Variants in KIAA0232 observed in about 807,000 individuals in gnomAD.
KIAA0232 encodes KIAA0232, also known as uncharacterized protein KIAA0232.
In KIAA0232, 27 loss-of-function variants were observed where a neutral mutation model predicts 122.0. That is an observed-to-expected ratio of 0.22 (90% confidence interval 0.16 to 0.31). KIAA0232 has a LOEUF of 0.31. Among genes scored for constraint, KIAA0232 ranks in the 10% least tolerant of loss-of-function variants. The pLI, the probability that KIAA0232 is intolerant of heterozygous loss-of-function variation, is 1.00. For missense variants in KIAA0232, 1,551 were observed against 1,634.2 expected (o/e 0.95, Z 0.88); for synonymous variants, 613 against 587.6 (o/e 1.04, Z -0.63).
At chr4:6,807,313 T>G (rs1352510907) in intron 2 of KIAA0232, among the ~76,000 whole-genome samples, 1 of 152,254 alleles carries the variant, frequency 6.6e-6, no homozygotes, top group Non-Finnish European at 1.5e-5. Context: ...TAATCTTATC[T>G]ATAAGAACAA....
At chr4:6,827,997 T>TA in intron 3 of KIAA0232, among the ~76,000 whole-genome samples, 1 of 152,336 alleles carries the variant, frequency 6.6e-6, no homozygotes. Context: ...TTTCAAAGCG[T>TA]AGGTCACCTC....
intron 4 of KIAA0232, among the ~76,000 whole-genome samples, chr4:6,854,869 A>G (rs913702399): frequency 2.0e-5 from 3 of 152,182 alleles, no homozygotes; most frequent in African/African-American, 7.2e-5. Flanking sequence ...CCTTATGGAT[A>G]TGCTATGCTA....
intron 9 of KIAA0232, among the ~76,000 whole-genome samples, 161 bp from the exon 10 acceptor site, chr4:6,880,626 G>A (rs1309310358): frequency 1.3e-5 from 2 of 152,270 alleles, no homozygotes; most frequent in Non-Finnish European, 2.9e-5. Context: ...GATCAGAGAA[G>A]AGAGGCGGTT....
intron 9 of KIAA0232, 69 bp downstream of exon 9, chr4:6,876,826 CA>C: frequency 8.8e-7 from 1 of 1,139,860 alleles, no homozygotes. Flanking sequence ...TCACTGTAGT[CA>C]AAAACCTGGG....
Position 6,861,183 on chromosome 4 carries a change from G to C in KIAA0232, c.801G>C (p.Lys267Asn). The change falls in exon 7 of 10, where the codon AAG (lysine) becomes AAC (asparagine). Residue 267 changes from lysine to asparagine, a missense_variant. By Grantham distance (94) the Lys-to-Asn change is moderately conservative. Coordinates refer to ENST00000307659, the MANE Select transcript of KIAA0232 (RefSeq NM_014743.3). ...NKFSNGTIEE[K>N]PALYKKQIRH... ...TTAGTAATGGCACAATTGAAGAAAAGCCTGCTTTGTACAAAAAGCAAATCC... is the reference window on the plus strand; with the variant it reads ...TTAGTAATGGCACAATTGAAGAAAACCCTGCTTTGTACAAAAAGCAAATCC... 1 of 1,614,142 alleles carries C rather than the reference G, an allele frequency of 6.2e-7. No individual in the cohort carries two copies. Among genetic ancestry groups the C allele is most frequent in the Non-Finnish European group, 8.5e-7 (1 of 1,180,044 alleles).
chr4:6,833,080 G>A (rs1049186573), intron 3 of KIAA0232, among the ~76,000 whole-genome samples: 1 of 152,088 alleles, frequency 6.6e-6, no homozygotes, highest in South Asian at 2.1e-4. Flanking sequence ...AGCGTGTCCC[G>A]TTCAGCATTA....
chr4:6,871,328 C>A (rs1033864183), intron 7 of KIAA0232, among the ~76,000 whole-genome samples: 1 of 152,020 alleles, frequency 6.6e-6, no homozygotes, highest in Non-Finnish European at 1.5e-5. Context: ...CAGCTACTTG[C>A]AAGGCTGAGG....
At chr4:6,801,314 G>A (rs770143706) in intron 1 of KIAA0232, among the ~76,000 whole-genome samples, 3 of 152,172 alleles carry the variant, frequency 2.0e-5, no homozygotes, top group Admixed American at 6.5e-5. Context: ...ATTGGACAAT[G>A]CAGTTCTAGA....
At chr4:6,853,680 G>C (rs190792320) in intron 4 of KIAA0232, among the ~76,000 whole-genome samples, 1 of 152,296 alleles carries the variant, frequency 6.6e-6, no homozygotes, top group East Asian at 1.9e-4. Flanking sequence ...GATTAATATG[G>C]CACAGAAACC....
At chr4:6,787,641 C>T (rs147959015) in intron 1 of KIAA0232, among the ~76,000 whole-genome samples, 160 of 152,302 alleles carry the variant, frequency 1.1e-3, no homozygotes, top group African/African-American at 3.4e-3. Context: ...TTTCTTTACT[C>T]TTTCATGTTT....
chr4:6,787,638 A>T (rs1300049025), intron 1 of KIAA0232, among the ~76,000 whole-genome samples: 4 of 151,746 alleles, frequency 2.6e-5, no homozygotes, highest in Admixed American at 6.6e-5. Flanking sequence ...CTTTTTCTTT[A>T]CTCTTTCATG....
In KIAA0232 at chr4:6,824,128, T is replaced by C. The variant is rs1357340023; in HGVS notation, c.-269-57T>C. On this transcript the variant is annotated intron_variant, in intron 2 of 9. Coordinates refer to ENST00000307659, the MANE Select transcript of KIAA0232 (RefSeq NM_014743.3). ...TATTTGATTTTTTTTCCTCAAAAGG[T>C]CAATAATTTATTATTTATATATAAT... 3 of 423,864 alleles carry C rather than the reference T, an allele frequency of 7.1e-6. No homozygotes were observed. In the Admixed American group the frequency reaches 1.2e-4, roughly 16 times the overall value. The allele number at this position is 423,864 out of a possible 1,614,324, so 26.3% of individuals were successfully genotyped here. A position where few individuals can be genotyped will look rare whatever the true frequency, so the allele number is the denominator to read the frequency against.
intron 1 of KIAA0232, among the ~76,000 whole-genome samples, chr4:6,786,398 G>A (rs1716618268): frequency 6.6e-6 from 1 of 152,124 alleles, no homozygotes; most frequent in Non-Finnish European, 1.5e-5. Flanking sequence ...AACCTCCCAG[G>A]CTCAAGTGAT....
intron 7 of KIAA0232, among the ~76,000 whole-genome samples, chr4:6,870,804 A>G (rs76632016): frequency 0.056 from 234 of 4,172 alleles, 1 homozygote; most frequent in African/African-American, 0.14. Flanking sequence ...TCTGTCTTGG[A>G]AAAAAAAAAA....
intron 3 of KIAA0232, among the ~76,000 whole-genome samples, chr4:6,839,980 G>T (rs902027778): frequency 6.6e-6 from 1 of 152,194 alleles, no homozygotes; most frequent in African/African-American, 2.4e-5. Context: ...ATTACTGAAT[G>T]CTCTCCTCAG....
At chr4:6,866,823 C>T (rs970765234) in intron 7 of KIAA0232, among the ~76,000 whole-genome samples, 3 of 152,178 alleles carry the variant, frequency 2.0e-5, no homozygotes, top group Non-Finnish European at 4.4e-5. Context: ...AGACTTTGTC[C>T]TTGCCCATAC....
chr4:6,866,428 T>C (rs10022630), intron 7 of KIAA0232, among the ~76,000 whole-genome samples: 50,259 of 152,098 alleles, frequency 0.33, 9,158 homozygotes, highest in Middle Eastern at 0.42. Flanking sequence ...GGTTGAAGCT[T>C]ACTTCATAGA....
intron 3 of KIAA0232, among the ~76,000 whole-genome samples, chr4:6,839,082 C>T (rs1290062774): frequency 1.4e-4 from 22 of 152,270 alleles, no homozygotes; most frequent in Non-Finnish European, 1.2e-4. Context: ...GCCAAGATCA[C>T]GCCACTACAC....
intron 2 of KIAA0232, among the ~76,000 whole-genome samples, chr4:6,822,685 G>A (rs917606261): frequency 1.3e-5 from 2 of 151,804 alleles, no homozygotes; most frequent in African/African-American, 4.8e-5. Flanking sequence ...TGTTAATTTG[G>A]GGGGAAGCCA....
Sources: allele counts gnomAD v4.1 joint callset (sites outside exome capture counted in the v4.1 genomes callset), GRCh38; gene constraint gnomAD v4.1.1; transcripts MANE v1.5; gene names NCBI Gene and HGNC (gene_info 2026-07-23, HGNC 2026-07-21).